Variants in SFMBT1 observed in about 807,000 individuals in gnomAD.
SFMBT1 encodes Scm like with four mbt domains 1.
In SFMBT1, 32 loss-of-function variants were observed where a neutral mutation model predicts 108.7. The ratio of observed to expected loss-of-function variants is 0.29; its 90% CI spans 0.22 to 0.40. The LOEUF (loss-of-function observed/expected upper bound fraction) is 0.40. Among genes scored for constraint, SFMBT1 ranks in the 10% least tolerant of loss-of-function variants. The pLI is 1.00. For missense variants in SFMBT1, 816 were observed against 1,059.6 expected, an observed-to-expected ratio of 0.77 and a Z score of 3.19; for synonymous variants, 348 against 369.5, an observed-to-expected ratio of 0.94 and a Z score of 0.67.
chr3:53,006,648 A>G (rs891203719), intron 1 of SFMBT1, among the ~76,000 whole-genome samples: 1 of 151,954 alleles, frequency 6.6e-6, no homozygotes, highest in African/African-American at 2.4e-5. Flanking sequence ...AAAAGTATAC[A>G]GGAGGATGTG....
intron 4 of SFMBT1, 115 bp downstream of exon 4, chr3:52,943,238 T>C: frequency 8.0e-7 from 1 of 1,254,110 alleles, no homozygotes; most frequent in South Asian, 1.4e-5. Flanking sequence ...AATGCTAACC[T>C]AGAAAAGCTG....
intron 1 of SFMBT1, among the ~76,000 whole-genome samples, chr3:53,040,516 T>C (rs560971776): frequency 6.6e-6 from 1 of 151,962 alleles, no homozygotes; most frequent in East Asian, 1.9e-4. Context: ...GATAAACAGA[T>C]ACTGACACTT....
At chr3:53,017,725 T>G (rs1699173825) in intron 1 of SFMBT1, among the ~76,000 whole-genome samples, 1 of 152,160 alleles carries the variant, frequency 6.6e-6, no homozygotes, top group Non-Finnish European at 1.5e-5. Flanking sequence ...AGCTTATACC[T>G]TCACTCTTCA....
At chr3:52,921,318 G>A (rs972378180) in intron 11 of SFMBT1, among the ~76,000 whole-genome samples, 1 of 152,116 alleles carries the variant, frequency 6.6e-6, no homozygotes, top group Admixed American at 6.6e-5. Flanking sequence ...TTTTAGCACA[G>A]TTTACCATTT....
chr3:52,954,858 TAAA>T (rs11310704), intron 2 of SFMBT1, among the ~76,000 whole-genome samples: 2 of 149,454 alleles, frequency 1.3e-5, no homozygotes, highest in Admixed American at 6.7e-5. Context: ...TTTACCTTAA[TAAA>T]AAAAAAAAAG....
chr3:52,916,108 G>T (rs1335527882), intron 14 of SFMBT1, 42 bp downstream of exon 14: 4 of 1,550,998 alleles, frequency 2.6e-6, no homozygotes, highest in Non-Finnish European at 3.6e-6. Context: ...TCCATTAAAA[G>T]AAACTAAGTC....
chr3:52,969,662 T>A (rs1305010926), intron 1 of SFMBT1, among the ~76,000 whole-genome samples: 1 of 152,158 alleles, frequency 6.6e-6, no homozygotes, highest in African/African-American at 2.4e-5. Context: ...ACGAATATGA[T>A]TCAGGATAGA....
intron 1 of SFMBT1, among the ~76,000 whole-genome samples, chr3:53,024,596 G>GAGA (rs1237584802): frequency 6.6e-6 from 1 of 152,220 alleles, no homozygotes; most frequent in Non-Finnish European, 1.5e-5. Flanking sequence ...GGGGCAAAGG[G>GAGA]AGAAGTAACA....
intron 4 of SFMBT1, among the ~76,000 whole-genome samples, chr3:52,936,288 A>G (rs1703007521): frequency 6.6e-6 from 1 of 152,258 alleles, no homozygotes; most frequent in Non-Finnish European, 1.5e-5. Flanking sequence ...ATGCTGAGGT[A>G]GATTTCATAG....
At chr3:53,034,120 A>G (rs866676573) in intron 1 of SFMBT1, among the ~76,000 whole-genome samples, 2 of 148,306 alleles carry the variant, frequency 1.3e-5, no homozygotes. Context: ...AATATCATCT[A>G]TTATCAGGTA....
At chr3:52,964,692 G>T (rs72961742) in intron 2 of SFMBT1, among the ~76,000 whole-genome samples, 3 of 152,018 alleles carry the variant, frequency 2.0e-5, no homozygotes, top group Admixed American at 6.6e-5. Context: ...TTGCAAGTTT[G>T]GGGGGCAGGA....
intron 2 of SFMBT1, among the ~76,000 whole-genome samples, chr3:52,956,067 A>C (rs1331585254): frequency 6.6e-6 from 1 of 152,210 alleles, no homozygotes; most frequent in South Asian, 2.1e-4. Flanking sequence ...AAATCAATAA[A>C]CGTAGTTCAT....
At chr3:52,948,300 T>C (rs1703443922) in intron 3 of SFMBT1, among the ~76,000 whole-genome samples, 1 of 152,150 alleles carries the variant, frequency 6.6e-6, no homozygotes, top group African/African-American at 2.4e-5. Flanking sequence ...TGATTTACTT[T>C]TCCTTAAAGT....
At chr3:53,010,891 T>G (rs560770640) in intron 1 of SFMBT1, among the ~76,000 whole-genome samples, 35 of 152,360 alleles carry the variant, frequency 2.3e-4, no homozygotes, top group African/African-American at 8.2e-4. Flanking sequence ...TCTTCGGAAC[T>G]GTCTTCCACT....
chr3:53,003,564 T>C (rs1698632743), intron 1 of SFMBT1, among the ~76,000 whole-genome samples: 1 of 149,566 alleles, frequency 6.7e-6, no homozygotes, highest in Admixed American at 6.8e-5. Flanking sequence ...ACCTCCATGA[T>C]AAAAAGTAAG....
chr3:52,951,124 A>AAAAG (rs1703571878), intron 3 of SFMBT1, among the ~76,000 whole-genome samples: 1 of 145,950 alleles, frequency 6.9e-6, no homozygotes, highest in Non-Finnish European at 1.5e-5. Context: ...CTTAAAAAAA[A>AAAAG]AAAAAAAAGA....
intron 1 of SFMBT1, among the ~76,000 whole-genome samples, chr3:52,978,629 T>G (rs889955932): frequency 6.6e-6 from 1 of 152,174 alleles, no homozygotes; most frequent in Non-Finnish European, 1.5e-5. Context: ...CCCAAGACAT[T>G]TGAAAACATA....
intron 12 of SFMBT1, among the ~76,000 whole-genome samples, chr3:52,919,860 T>C (rs1702466906): frequency 6.6e-6 from 1 of 152,248 alleles, no homozygotes; most frequent in Non-Finnish European, 1.5e-5. Context: ...CTTGCTGCTA[T>C]GGTCTGAATG....
chr3:53,020,781 G>C (rs1300832317), intron 1 of SFMBT1, among the ~76,000 whole-genome samples: 1 of 152,120 alleles, frequency 6.6e-6, no homozygotes, highest in Non-Finnish European at 1.5e-5. Flanking sequence ...TAGAGGCCGG[G>C]TACGGTGGTT....
Sources: gnomAD v4.1 joint callset for allele counts (sites outside exome capture counted in the v4.1 genomes callset) on GRCh38, gnomAD v4.1.1 for gene constraint, MANE v1.5 for transcripts, NCBI Gene and HGNC (gene_info 2026-07-23, HGNC 2026-07-21) for gene names.